Variants in GFRA1 observed in about 807,000 individuals in gnomAD.
GFRA1 encodes GDNF family receptor alpha 1.
GFRA1 carries 16 observed loss-of-function variants against 51.6 expected under a neutral mutation model. That is an observed-to-expected ratio of 0.31 (90% CI 0.21 to 0.47). GFRA1 has a LOEUF of 0.47. GFRA1 is among the 20% of genes least tolerant of loss of function. The pLI is 1.00. For missense variants in GFRA1, 530 were observed against 594.3 expected (o/e 0.89, Z 1.13); for synonymous variants, 270 against 241.3 (o/e 1.12, Z -1.10).
At chr10:116,111,458 A>G (rs752003742) in intron 6 of GFRA1, among the ~76,000 whole-genome samples, 2 of 152,194 alleles carry the variant, frequency 1.3e-5, no homozygotes, top group African/African-American at 4.8e-5. Flanking sequence ...TTAATGCAGC[A>G]TGGAAGCTTT....
At chr10:116,236,003 C>G (rs1966866548) in intron 4 of GFRA1, among the ~76,000 whole-genome samples, 1 of 152,168 alleles carries the variant, frequency 6.6e-6, no homozygotes, top group South Asian at 2.1e-4. Context: ...CCTGCACAGA[C>G]TAAGACACAG....
rs1036823867 is a variant in GFRA1, at chr10:116,272,881, T to G, written c.-247+282A>C. 1.3e-5 allele frequency: 2 copies of G among 152,402 alleles called. No individual in the cohort carries two copies. Among genetic ancestry groups the G allele is most frequent in the African/African-American group, 4.8e-5 (2 of 41,442 alleles). The allele number at this position is 152,402 out of a possible 1,614,324, so 9.4% of individuals were successfully genotyped here. ...CCTACCCCCTACCCGCCGCGCGTCC[T>G]CGGCTCCCTCCTGGGCGTCCGCTCC... is the stretch of plus-strand genomic sequence containing the variant. On this transcript the variant is annotated intron_variant, in intron 1 of 10. Coordinates refer to ENST00000355422, the MANE Select transcript of GFRA1 (RefSeq NM_005264.8). The surrounding 1 kb of genome is among the most constrained non-coding windows in gnomAD (Gnocchi z 4.4).
intron 4 of GFRA1, among the ~76,000 whole-genome samples, chr10:116,238,156 G>A (rs1304481319): frequency 6.6e-6 from 1 of 152,164 alleles, no homozygotes; most frequent in Non-Finnish European, 1.5e-5. Flanking sequence ...TTAAGTGCAC[G>A]CAAACCCAGC....
rs1483779389 is a variant in GFRA1, at chr10:116,059,330, A to G, written c.*5068T>C. The G allele has an allele frequency of 6.6e-6, 1 of 152,254 alleles. No individual in the cohort carries two copies. Among genetic ancestry groups the G allele is most frequent in the Non-Finnish European group, 1.5e-5 (1 of 68,066 alleles). The allele number at this position is 152,254 out of a possible 1,614,324, so 9.4% of individuals were successfully genotyped here. ...TCTGGCCAGTCTCCTGGCGCCCTAC[A>G]GAAGAAAATTGGGGATTGGTAAGAA... On this transcript the variant is annotated 3_prime_UTR_variant, in exon 11 of 11. Transcript: ENST00000355422.
Position 116,263,002 on chromosome 10 carries a change from G to A in GFRA1, c.418+6501C>T, listed in dbSNP as rs183215245. 1.0e-2 allele frequency among the ~76,000 whole-genome samples: 1,517 copies of A among 152,204 alleles called. 72 individuals carry two copies. The highest frequency in any genetic ancestry group is 0.079 in the Admixed American group (1,212 of 15,282). Reference sequence around the variant, plus strand: ...ACTCACTTCCGACCACAGAGCATAAGGACAGGGGTCCAAGGGAAAAGGAGA... The same window carrying A: ...ACTCACTTCCGACCACAGAGCATAAAGACAGGGGTCCAAGGGAAAAGGAGA... On this transcript the variant is annotated intron_variant, in intron 4 of 10. Transcript: ENST00000355422.
rs1256658050 is a variant in GFRA1, at chr10:116,062,278, CTG to C, written c.*2118_*2119del. 7.6e-6 allele frequency: 3 copies of C among 396,664 alleles called. No homozygotes were observed. Among genetic ancestry groups the C allele is most frequent in the Non-Finnish European group, 1.3e-5 (3 of 225,386 alleles). The allele number at this position is 396,664 out of a possible 1,614,324, so 24.6% of individuals were successfully genotyped here. On this transcript the variant is annotated 3_prime_UTR_variant, in exon 11 of 11. Coordinates refer to ENST00000355422, the MANE Select transcript of GFRA1 (RefSeq NM_005264.8). ...TACCTTAATGAAAACAAAATACACT[CTG>C]TAAGAGATATGCGCTCATAGATAAC...
chr10:116,128,927 G>C (rs4370849), intron 5 of GFRA1, among the ~76,000 whole-genome samples: 75,768 of 151,816 alleles, frequency 0.5, 20,212 homozygotes, highest in Admixed American at 0.63. Flanking sequence ...ATTGCTCAAA[G>C]TTTACTTCAT....
intron 6 of GFRA1, among the ~76,000 whole-genome samples, chr10:116,107,136 AAC>A: frequency 6.6e-6 from 1 of 152,286 alleles, no homozygotes; most frequent in South Asian, 2.1e-4. Flanking sequence ...AGAATGTCCT[AAC>A]ACACCTAATA....
chr10:116,180,180 C>T (rs1309526500), intron 5 of GFRA1, among the ~76,000 whole-genome samples: 1 of 152,240 alleles, frequency 6.6e-6, no homozygotes, highest in East Asian at 1.9e-4. Context: ...CTGAGGTGAA[C>T]ATTCAGAAAA....
chr10:116,152,339 C>T (rs147119834), intron 5 of GFRA1, among the ~76,000 whole-genome samples: 200 of 152,260 alleles, frequency 1.3e-3, no homozygotes, highest in African/African-American at 4.6e-3. Context: ...GAAACGTTCA[C>T]CAGAAAGCAC....
At chr10:116,135,161 G>T (rs568445322) in intron 5 of GFRA1, among the ~76,000 whole-genome samples, 1 of 152,258 alleles carries the variant, frequency 6.6e-6, no homozygotes, top group South Asian at 2.1e-4. Flanking sequence ...TCAGATGGAG[G>T]GACAGGCATT....
chr10:116,203,283 G>T (rs1185039808), intron 5 of GFRA1, among the ~76,000 whole-genome samples: 3 of 152,196 alleles, frequency 2.0e-5, no homozygotes, highest in African/African-American at 4.8e-5. Flanking sequence ...GTAATTCTCT[G>T]TGACTTCCAG....
chr10:116,152,674 T>A (rs540678175), intron 5 of GFRA1, among the ~76,000 whole-genome samples: 3 of 152,298 alleles, frequency 2.0e-5, no homozygotes, highest in Admixed American at 2.0e-4. Context: ...CGAACAAACA[T>A]CCAAACCATA....
rs1241575930 is a variant in GFRA1 at position 116,272,221 on chromosome 10, G to C, written c.-192C>G. ...CCACCGCCGCCGGCGACTCAGCTCC[G>C]GGATGGCGAGGGCGGGAGGCGGTTC... On this transcript the variant is annotated 5_prime_UTR_variant, in exon 2 of 11. Coordinates refer to ENST00000355422, the MANE Select transcript of GFRA1 (RefSeq NM_005264.8). The surrounding 1 kb of genome is among the most constrained non-coding windows in gnomAD (Gnocchi z 4.4). 12 of 628,726 alleles carry C rather than the reference G, an allele frequency of 1.9e-5. No homozygotes were observed. Among genetic ancestry groups the C allele is most frequent in the Non-Finnish European group, 3.1e-5 (11 of 353,332 alleles). The allele number at this position is 628,726 out of a possible 1,614,324, so 38.9% of individuals were successfully genotyped here.
At chr10:116,274,604 G>T (rs929560683), upstream of GFRA1, among the ~76,000 whole-genome samples, 7 of 152,052 alleles carry the variant, frequency 4.6e-5, no homozygotes, top group Non-Finnish European at 1.0e-4. Flanking sequence ...GTGTGGAGTC[G>T]CCAAAGAGGG....
At chr10:116,191,575 A>G (rs577014554) in intron 5 of GFRA1, among the ~76,000 whole-genome samples, 90 of 151,744 alleles carry the variant, frequency 5.9e-4, no homozygotes, top group Non-Finnish European at 1.1e-3. Flanking sequence ...TTGCCAGGGG[A>G]AAAAAAAAGC....
intron 5 of GFRA1, among the ~76,000 whole-genome samples, chr10:116,153,251 A>G (rs1959128335): frequency 6.6e-6 from 1 of 152,192 alleles, no homozygotes; most frequent in African/African-American, 2.4e-5. Flanking sequence ...AATGAGCTAC[A>G]CTCTGACTGA....
At chr10:116,090,764 C>T (rs368304011) in intron 8 of GFRA1, among the ~76,000 whole-genome samples, 118 of 152,046 alleles carry the variant, frequency 7.8e-4, no homozygotes, top group African/African-American at 2.7e-3. Context: ...TATAAAAAAC[C>T]AAACTCCTCC....
intron 9 of GFRA1, among the ~76,000 whole-genome samples, chr10:116,086,470 A>C (rs2133857758): frequency 6.6e-6 from 1 of 152,342 alleles, no homozygotes; most frequent in South Asian, 2.1e-4. Context: ...GGCTTAGAGA[A>C]GTTAGCATGC....
Sources: allele counts gnomAD v4.1 joint callset (sites outside exome capture counted in the v4.1 genomes callset), GRCh38; gene constraint gnomAD v4.1.1; non-coding constraint Gnocchi (gnomAD v3.1); transcripts MANE v1.5; gene names NCBI Gene and HGNC (gene_info 2026-07-23, HGNC 2026-07-21).